ZYG11A: variants seen among roughly 807,000 people sequenced by gnomAD.
ZYG11A encodes zyg-11 family member A, cell cycle regulator, also known as protein zyg-11 homolog A.
Under a neutral mutation model 77.2 loss-of-function variants are expected in ZYG11A, and 62 were observed. The ratio of observed to expected loss-of-function variants is 0.80; its 90% CI spans 0.65 to 0.99. ZYG11A has a LOEUF of 0.99. Ranked by LOEUF, ZYG11A falls within the 50% of genes least tolerant of loss-of-function variation. ZYG11A has a pLI of 0.00. For synonymous variants in ZYG11A, 315 were observed against 324.6 expected (o/e 0.97, Z 0.32); for missense variants, 828 against 896.8 (o/e 0.92, Z 0.98).
At chr1:52,854,332 A>C in intron 1 of ZYG11A, 133 bp from the exon 2 acceptor site, 1 of 813,714 alleles carries the variant, frequency 1.2e-6, no homozygotes, top group Non-Finnish European at 1.8e-6. Context: ...CGTTACATAT[A>C]AATCATTACT....
rs869093943 is a variant in ZYG11A, at chr1:52,846,310, TTATATATATATATATATATATATATATA to T, written c.90+3367_90+3394del. Reference sequence around the variant, plus strand: ...TTGGAAATCATGGCTTTTTAAATTTTTATATATATATATATATATATATATATATATATATATATATATATATATATAT... The same window carrying T: ...TTGGAAATCATGGCTTTTTAAATTTTTATATATATATATATATATATATAT... On this transcript the variant is annotated intron_variant, in intron 1 of 13. Coordinates refer to ENST00000371528, the MANE Select transcript of ZYG11A (RefSeq NM_001004339.3). Among the ~76,000 whole-genome samples the T allele has an allele frequency of 8.9e-3, 320 of 35,802 alleles. 6 individuals are homozygous for T. The highest frequency in any genetic ancestry group is 0.022 in the East Asian group (77 of 3,574). 23.5% of individuals were successfully genotyped at this position (35,802 alleles called of 152,430 possible).
rs574652376 is a variant in ZYG11A, at chr1:52,889,806, G to A, written c.2104+2753G>A. ...GGCTCGCTGCAAGCTCTGCCTCCCG[G>A]GTTCACGCCATTCTCCTGCCTCAGC... is the stretch of plus-strand genomic sequence containing the variant. On this transcript the variant is annotated intron_variant, in intron 13 of 13. Coordinates refer to ENST00000371528, the MANE Select transcript of ZYG11A (RefSeq NM_001004339.3). Among the ~76,000 whole-genome samples, 198 of 151,550 alleles carry A rather than the reference G, an allele frequency of 1.3e-3. 1 individual carries two copies. Among genetic ancestry groups the A allele is most frequent in the African/African-American group, 4.4e-3 (182 of 41,318 alleles).
chr1:52,846,591 C>G (rs1454200524), intron 1 of ZYG11A, among the ~76,000 whole-genome samples: 1 of 151,522 alleles, frequency 6.6e-6, no homozygotes, highest in Non-Finnish European at 1.5e-5. Flanking sequence ...TCCATCCACC[C>G]TGGCCTCCCA....
rs1646030737 is a variant in ZYG11A, at chr1:52,866,564, A to G, written c.1388A>G (p.Asp463Gly). The G allele has an allele frequency of 6.5e-7, 1 of 1,536,852 alleles. No homozygotes were observed. Among genetic ancestry groups the G allele is most frequent in the Non-Finnish European group, 8.8e-7 (1 of 1,133,920 alleles). ...AGGATTCTTGTGGATGTTCCATTTGACAGGCAAGTATAAGACTTGGTCATT... is the reference window on the plus strand; with the variant it reads ...AGGATTCTTGTGGATGTTCCATTTGGCAGGCAAGTATAAGACTTGGTCATT... ...NSRILVDVPF[D>G]RFDAAKFVMR... Residue 463 changes from aspartate to glycine, a missense_variant, in exon 6 of 14, where the codon GAC becomes GGC. By Grantham distance (94) the Asp-to-Gly change is moderately conservative. Transcript: ENST00000371528.
intron 12 of ZYG11A, among the ~76,000 whole-genome samples, 179 bp downstream of exon 12, chr1:52,886,073 C>T (rs1372888266): frequency 5.3e-5 from 8 of 152,160 alleles, no homozygotes. Flanking sequence ...GCTGGGACTA[C>T]AGGCACCCGC....
At chr1:52,852,315 G>A in intron 1 of ZYG11A, among the ~76,000 whole-genome samples, 1 of 150,922 alleles carries the variant, frequency 6.6e-6, no homozygotes, top group East Asian at 2.0e-4. Flanking sequence ...CCAAAGTAGT[G>A]TGATTACAGG....
At position 52,885,906 on chromosome 1, in the gene ZYG11A, G is replaced by A; in HGVS notation, c.2006+12G>A. The A allele has an allele frequency of 2.0e-6, 3 of 1,516,888 alleles. No individual in the cohort carries two copies. The South Asian group carries it at 3.9e-5, about 20-fold the overall frequency. The allele number at this position is 1,516,888 out of a possible 1,614,324, so 94.0% of individuals were successfully genotyped here. A position where few individuals can be genotyped will look rare whatever the true frequency, so the allele number is the denominator to read the frequency against. On this transcript the variant is annotated intron_variant, in intron 12 of 13. Coordinates refer to ENST00000371528, the MANE Select transcript of ZYG11A (RefSeq NM_001004339.3). The stretch of plus-strand genomic sequence containing the variant: ...TTGGTGACCTATAGGTAATTTCATG[G>A]TGTTGTGCTTTTCTTCTTTTTTTTT...
intron 1 of ZYG11A, among the ~76,000 whole-genome samples, chr1:52,843,688 C>CTTTTTTTTTT (rs71044427): frequency 1.5e-5 from 2 of 130,514 alleles, no homozygotes; most frequent in Non-Finnish European, 3.2e-5. Context: ...TTCTTTCTTT[C>CTTTTTTTTTT]TTTTTTTTTT....
chr1:52,865,272 A>G (rs1261333299), intron 5 of ZYG11A, among the ~76,000 whole-genome samples: 1 of 152,174 alleles, frequency 6.6e-6, no homozygotes, highest in Non-Finnish European at 1.5e-5. Context: ...TTTAAAATGA[A>G]AAGGTAGATG....
intron 12 of ZYG11A, among the ~76,000 whole-genome samples, chr1:52,886,626 C>G (rs1646455657): frequency 6.6e-6 from 1 of 151,230 alleles, no homozygotes; most frequent in African/African-American, 2.4e-5. Flanking sequence ...CTTGACTTCC[C>G]AGGCTCAAGT....
At chr1:52,848,345 T>C (rs1645640629) in intron 1 of ZYG11A, among the ~76,000 whole-genome samples, 1 of 152,184 alleles carries the variant, frequency 6.6e-6, no homozygotes, top group Non-Finnish European at 1.5e-5. Context: ...ATACCTTTTT[T>C]TTCTTCTGTG....
intron 4 of ZYG11A, among the ~76,000 whole-genome samples, chr1:52,862,084 C>T (rs1470998657): frequency 6.6e-6 from 1 of 151,574 alleles, no homozygotes; most frequent in East Asian, 2.0e-4. Flanking sequence ...TGGCAGGTGC[C>T]TGTAATCCCA....
chr1:52,843,043 C>A, intron 1 of ZYG11A, 70 bp downstream of exon 1: 2 of 1,348,352 alleles, frequency 1.5e-6, no homozygotes, highest in South Asian at 2.8e-5. Flanking sequence ...CGCGGCGAGT[C>A]TCCTGGGACG....
At chr1:52,884,785 G>C (rs2150020629) in intron 11 of ZYG11A, among the ~76,000 whole-genome samples, 1 of 152,254 alleles carries the variant, frequency 6.6e-6, no homozygotes, top group Admixed American at 6.5e-5. Context: ...TTTTTATCAT[G>C]GTGTTCCCAC....
intron 1 of ZYG11A, among the ~76,000 whole-genome samples, chr1:52,851,759 A>T (rs71654977): frequency 0.029 from 4,337 of 149,804 alleles, 80 homozygotes; most frequent in Non-Finnish European, 0.042. Context: ...CTTATTTTTT[A>T]TTTTTTGAGA....
At chr1:52,870,302 G>T (rs1455362055) in intron 8 of ZYG11A, among the ~76,000 whole-genome samples, 2 of 150,836 alleles carry the variant, frequency 1.3e-5, no homozygotes, top group African/African-American at 2.4e-5. Flanking sequence ...CCCAGACAAT[G>T]GGCGGCCAGG....
rs181549530 is a variant in ZYG11A, at chr1:52,848,816, G to A, written c.91-5649G>A. Among the ~76,000 whole-genome samples the A allele has an allele frequency of 2.5e-3, 377 of 152,240 alleles. 2 individuals are homozygous for A. Among genetic ancestry groups the A allele is most frequent in the African/African-American group, 8.4e-3 (347 of 41,550 alleles). On this transcript the variant is annotated intron_variant, in intron 1 of 13. Coordinates refer to ENST00000371528, the MANE Select transcript of ZYG11A (RefSeq NM_001004339.3). ...TGGGAAGTGGAGGTTGCAGTGAGCC[G>A]AGATCATGCTACTGCACTGCAGCCT...
chr1:52,855,944 A>C (rs1309977447), intron 2 of ZYG11A, among the ~76,000 whole-genome samples: 2 of 152,242 alleles, frequency 1.3e-5, no homozygotes, highest in African/African-American at 4.8e-5. Context: ...ATCTGCAGGA[A>C]TGTGTAAGAG....
chr1:52,892,564 T>G (rs906463584), intron 13 of ZYG11A, among the ~76,000 whole-genome samples: 1 of 150,212 alleles, frequency 6.7e-6, no homozygotes, highest in Admixed American at 6.6e-5. Context: ...AAGCATAGAG[T>G]TGTCTGGAAG....
Sources: gnomAD v4.1 joint callset for allele counts (sites outside exome capture counted in the v4.1 genomes callset) on GRCh38, gnomAD v4.1.1 for gene constraint, MANE v1.5 for transcripts, NCBI Gene and HGNC (gene_info 2026-07-23, HGNC 2026-07-21) for gene names.